The following RBFOX3 variants were observed in gnomAD, a reference collection of about 807,000 sequenced individuals.
RBFOX3 encodes the protein RNA binding protein fox-1 homolog 3.
In RBFOX3, 17 loss-of-function variants were observed where a neutral mutation model predicts 48.7. That is an observed-to-expected ratio of 0.35 (90% CI 0.24 to 0.52). The LOEUF (loss-of-function observed/expected upper bound fraction) is 0.52, where lower values mean the gene tolerates loss of function less well. RBFOX3 is among the 20% of genes least tolerant of loss of function. The probability of loss-of-function intolerance (pLI) is 0.94; values close to 1 mark genes in which losing one functional copy is unlikely to be tolerated. For missense variants in RBFOX3, 382 were observed against 497.5 expected, an observed-to-expected ratio of 0.77 and a Z score of 2.21; for synonymous variants, 212 against 209.5, an observed-to-expected ratio of 1.01 and a Z score of -0.10.
At chr17:79,092,069 C>A in intron 14 of RBFOX3, 2 of 985,482 alleles carry the variant, frequency 2.0e-6, no homozygotes, top group Non-Finnish European at 2.4e-6. Flanking sequence ...CGGGGAGACC[C>A]ACACTGGGTG....
intron 1 of RBFOX3, among the ~76,000 whole-genome samples, chr17:79,602,843 G>A (rs2093737669): frequency 6.6e-6 from 1 of 152,174 alleles, no homozygotes; most frequent in Admixed American, 6.5e-5. Context: ...GGCTGGGGGA[G>A]GGAGGCCATG....
At chr17:79,296,351 T>C (rs1435669343) in intron 3 of RBFOX3, among the ~76,000 whole-genome samples, 2 of 152,114 alleles carry the variant, frequency 1.3e-5, no homozygotes, top group African/African-American at 2.4e-5. Context: ...TGATTTCTTA[T>C]ATGGTTGAGG....
At chr17:79,445,584 T>C (rs1422937016) in intron 2 of RBFOX3, among the ~76,000 whole-genome samples, 1 of 152,222 alleles carries the variant, frequency 6.6e-6, no homozygotes, top group African/African-American at 2.4e-5. Context: ...TCCCCTGTGA[T>C]TTCCCTTCCT....
At chr17:79,522,929 CAAAAAAA>C (rs34245309) in intron 1 of RBFOX3, among the ~76,000 whole-genome samples, 877 of 31,908 alleles carry the variant, frequency 0.027, 11 homozygotes, top group African/African-American at 0.049. Context: ...GACTCCGTCT[CAAAAAAA>C]AAAAAAAAAA....
intron 1 of RBFOX3, among the ~76,000 whole-genome samples, chr17:79,525,385 C>T (rs1450350535): frequency 6.6e-6 from 1 of 152,202 alleles, no homozygotes; most frequent in African/African-American, 2.4e-5. Flanking sequence ...AAAGAGTAAG[C>T]CAGAGACCAG....
At position 79,390,226 on chromosome 17, in the gene RBFOX3, A is replaced by G. The variant is rs1254219351; in HGVS notation, c.-174-82402T>C. 6.6e-6 allele frequency among the ~76,000 whole-genome samples: 1 copy of G among 152,206 alleles called. No individual in the cohort carries two copies. The highest frequency in any genetic ancestry group is 1.5e-5 in the Non-Finnish European group (1 of 68,034). On this transcript the variant is annotated intron_variant, in intron 2 of 14. Transcript: ENST00000693108. The surrounding 1 kb of genome is among the most constrained non-coding windows in gnomAD (Gnocchi z 4.2). ...GCTGCACTGACTTTCAAGTGCCCAG[A>G]GGTCCTCCTAGAATAACACATCCCT...
At chr17:79,542,304 G>T (rs1048712240) in intron 1 of RBFOX3, among the ~76,000 whole-genome samples, 1 of 152,134 alleles carries the variant, frequency 6.6e-6, no homozygotes, top group Non-Finnish European at 1.5e-5. Flanking sequence ...GACTCACAAG[G>T]GGCTCCCCAA....
intron 1 of RBFOX3, among the ~76,000 whole-genome samples, chr17:79,579,614 G>C (rs933934540): frequency 3.3e-5 from 5 of 152,066 alleles, no homozygotes; most frequent in Non-Finnish European, 7.4e-5. Context: ...AGCTGGAGAG[G>C]ACAGGCTGGG....
intron 2 of RBFOX3, among the ~76,000 whole-genome samples, chr17:79,351,911 T>C (rs963314677): frequency 6.6e-6 from 1 of 152,152 alleles, no homozygotes; most frequent in African/African-American, 2.4e-5. Flanking sequence ...TCCTTGACAT[T>C]TGTTTTCCTA....
the RBFOX3 span, among the ~76,000 whole-genome samples, chr17:79,649,979 TA>T: frequency 6.6e-6 from 1 of 152,058 alleles, no homozygotes; most frequent in South Asian, 2.1e-4. Context: ...GGGTGGGTGC[TA>T]ACCCATTCAT....
chr17:79,478,694 G>C (rs2078333997), intron 2 of RBFOX3, among the ~76,000 whole-genome samples: 1 of 152,242 alleles, frequency 6.6e-6, no homozygotes, highest in South Asian at 2.1e-4. Flanking sequence ...TGGAGGAGCA[G>C]ATGACCCTCC....
chr17:79,297,379 T>A (rs940904310), intron 3 of RBFOX3, among the ~76,000 whole-genome samples: 3 of 151,998 alleles, frequency 2.0e-5, no homozygotes, highest in African/African-American at 7.3e-5. Context: ...AAAGCTGGGG[T>A]GCTGCTGCAC....
At position 79,252,430 on chromosome 17, in the gene RBFOX3, T is replaced by C. The variant is rs528741154; in HGVS notation, c.-73-16625A>G. On this transcript the variant is annotated intron_variant, in intron 3 of 14. Transcript: ENST00000693108. This position sits in a 1 kb window ranked among gnomAD's most constrained non-coding sequence, Gnocchi z 4.0. ...CACCCGTCCAAGTGAGCAAGTCAGC[T>C]GGGGTCCACTCTGACCCTCCCTCTC... is the stretch of plus-strand genomic sequence containing the variant. 3.9e-5 allele frequency among the ~76,000 whole-genome samples: 6 copies of C among 152,198 alleles called. No homozygotes were observed. The highest frequency in any genetic ancestry group is 2.1e-4 in the South Asian group (1 of 4,836).
rs377759206 is a variant in RBFOX3, at chr17:79,106,640, C to T, written c.360+11G>A. On this transcript the variant is annotated intron_variant, in intron 6 of 14. Coordinates refer to ENST00000693108, the MANE Select transcript of RBFOX3 (RefSeq NM_001350451.2). Reference sequence around the variant, plus strand: ...GTGGAGGGCAGGATGGGTGGGGCCGCGCACACTCACCCCGAACATTTGCCG... The same window carrying T: ...GTGGAGGGCAGGATGGGTGGGGCCGTGCACACTCACCCCGAACATTTGCCG... 56 of 1,457,444 alleles carry T rather than the reference C, an allele frequency of 3.8e-5. No homozygotes were observed. In the African/African-American group the frequency reaches 4.0e-4, roughly 10 times the overall value. 90.3% of individuals were successfully genotyped at this position (1,457,444 alleles called of 1,614,324 possible).
chr17:79,310,974 G>GT (rs1254905047), intron 2 of RBFOX3, among the ~76,000 whole-genome samples: 2 of 152,150 alleles, frequency 1.3e-5, no homozygotes. Context: ...GTGGTACTTG[G>GT]TAAGTGTGGC....
chr17:79,330,447 C>A (rs2080079335), intron 2 of RBFOX3, among the ~76,000 whole-genome samples: 1 of 69,230 alleles, frequency 1.4e-5, no homozygotes, highest in South Asian at 4.5e-4. Flanking sequence ...AACGATGCCA[C>A]CTGTTGTGGT....
rs139478475 is a variant in RBFOX3 at position 79,452,816 on chromosome 17, T to G, written c.-175+29638A>C. Among the ~76,000 whole-genome samples, 757 of 152,248 alleles carry G rather than the reference T, an allele frequency of 5.0e-3. 4 individuals are homozygous for G. The highest frequency in any genetic ancestry group is 0.017 in the Middle Eastern group (5 of 294). On this transcript the variant is annotated intron_variant, in intron 2 of 14. Transcript: ENST00000693108. ...AAAGGTGAAGGAGGGCACAGAGAGCTTGCACAACCCGGGGGCATTGCAGGG... is the reference window on the plus strand; with the variant it reads ...AAAGGTGAAGGAGGGCACAGAGAGCGTGCACAACCCGGGGGCATTGCAGGG...
intron 1 of RBFOX3, among the ~76,000 whole-genome samples, chr17:79,563,436 G>A (rs1347690124): frequency 2.6e-5 from 4 of 152,222 alleles, no homozygotes; most frequent in African/African-American, 9.6e-5. Context: ...GGGGGAAGAT[G>A]AAGGCAGCCA....
intron 2 of RBFOX3, among the ~76,000 whole-genome samples, chr17:79,310,029 G>A (rs1346471615): frequency 2.6e-5 from 4 of 152,174 alleles, no homozygotes; most frequent in African/African-American, 9.7e-5. Flanking sequence ...CCGAGGACAC[G>A]TGGAGCTGCT....
Sources: gnomAD v4.1 joint callset for allele counts (sites outside exome capture counted in the v4.1 genomes callset) on GRCh38, gnomAD v4.1.1 for gene constraint, Gnocchi (gnomAD v3.1) non-coding constraint, MANE v1.5 for transcripts, NCBI Gene and HGNC (gene_info 2026-07-23, HGNC 2026-07-21) for gene names.